UTS2: variants seen among roughly 807,000 people sequenced by gnomAD.
The protein encoded by UTS2 is urotensin 2, also known as urotensin-2.
A neutral mutation model predicts 12.6 loss-of-function variants in UTS2; 10 were observed. The observed-to-expected ratio is 0.80, with a 90% CI of 0.49 to 1.35. The LOEUF is 1.35. Among genes scored for constraint, UTS2 ranks in the 40% most tolerant of loss-of-function variants. The pLI is 0.00. For synonymous variants in UTS2, 52 were observed against 50.0 expected (o/e 1.04, Z -0.17); for missense variants, 142 against 143.2 (o/e 0.99, Z 0.04).
In UTS2 at chr1:7,847,932, CCAA is replaced by C. The variant is rs766852208; in HGVS notation, c.259-53_259-51del. On this transcript the variant is annotated intron_variant, in intron 3 of 3. Coordinates refer to ENST00000361696, the MANE Select transcript of UTS2 (RefSeq NM_006786.4). Reference sequence around the variant, plus strand: ...ACAACAAAAAAAAACAGATAAGTTACCAACGAGTGACGATTCCTATAAGAAAAA... The same window carrying C: ...ACAACAAAAAAAAACAGATAAGTTACCGAGTGACGATTCCTATAAGAAAAA... 59 of 1,309,766 alleles carry C rather than the reference CCAA, an allele frequency of 4.5e-5. No homozygotes were observed. In the African/African-American group the frequency reaches 8.1e-4, roughly 18 times the overall value. The allele number at this position is 1,309,766 out of a possible 1,614,324, so 81.1% of individuals were successfully genotyped here.
the UTS2 span, among the ~76,000 whole-genome samples, chr1:7,911,858 G>A: frequency 4.1e-5 from 6 of 146,922 alleles, no homozygotes; most frequent in African/African-American, 1.3e-4. Context: ...CCAAGATCGC[G>A]CCACTGCACT....
chr1:7,895,441 A>G, the UTS2 span, among the ~76,000 whole-genome samples: 1 of 152,062 alleles, frequency 6.6e-6, no homozygotes, highest in Non-Finnish European at 1.5e-5. Context: ...TTCCCCCTTA[A>G]TCCTATTCCC....
At chr1:7,874,700 T>C in the UTS2 span, among the ~76,000 whole-genome samples, 1 of 152,212 alleles carries the variant, frequency 6.6e-6, no homozygotes, top group African/African-American at 2.4e-5. Flanking sequence ...ACTTGTGATA[T>C]GGTTTGGCTG....
chr1:7,876,131 A>T, the UTS2 span, among the ~76,000 whole-genome samples: 1 of 152,202 alleles, frequency 6.6e-6, no homozygotes, highest in Non-Finnish European at 1.5e-5. Context: ...CCCTGCTGCC[A>T]CCAGCACCCA....
upstream of UTS2, among the ~76,000 whole-genome samples, chr1:7,855,489 CAGG>C (rs1331526137): frequency 1.3e-5 from 2 of 152,038 alleles, no homozygotes; most frequent in African/African-American, 4.8e-5. Flanking sequence ...GAGGCTGAGG[CAGG>C]AGGATAGCTT....
At chr1:7,905,049 C>A in the UTS2 span, among the ~76,000 whole-genome samples, 1 of 151,974 alleles carries the variant, frequency 6.6e-6, no homozygotes, top group African/African-American at 2.4e-5. Flanking sequence ...TCACCTGTCA[C>A]CTTGGCTAGG....
At chr1:7,869,605 C>A in the UTS2 span, among the ~76,000 whole-genome samples, 1 of 152,184 alleles carries the variant, frequency 6.6e-6, no homozygotes, top group Non-Finnish European at 1.5e-5. Context: ...GCAGAAATGT[C>A]CATCACCATC....
chr1:7,891,055 T>C, the UTS2 span, among the ~76,000 whole-genome samples: 26,688 of 150,336 alleles, frequency 0.18, 2,520 homozygotes, highest in South Asian at 0.23. Context: ...CAGTGGAATA[T>C]TATTCAGCCC....
intron 2 of UTS2, 104 bp downstream of exon 2, chr1:7,850,708 A>T: frequency 3.4e-6 from 4 of 1,186,102 alleles, no homozygotes. Flanking sequence ...TATATAGCTC[A>T]TCTTTATATT....
At chr1:7,853,352 T>C, upstream of UTS2, 5 of 1,614,114 alleles carry the variant, frequency 3.1e-6, no homozygotes, top group Non-Finnish European at 3.4e-6. Flanking sequence ...TGAGTTGAAG[T>C]GGCCAAAGCA....
At chr1:7,865,723 A>G in the UTS2 span, among the ~76,000 whole-genome samples, 1 of 152,182 alleles carries the variant, frequency 6.6e-6, no homozygotes, top group Non-Finnish European at 1.5e-5. Flanking sequence ...ACTTGAGGCC[A>G]GGAGTTCCAG....
intron 3 of UTS2, 52 bp downstream of exon 3, chr1:7,849,588 C>T: frequency 6.8e-7 from 1 of 1,475,392 alleles, no homozygotes; most frequent in Non-Finnish European, 9.4e-7. Flanking sequence ...CCTGTAAAAC[C>T]AGTACAGAAT....
the UTS2 span, among the ~76,000 whole-genome samples, chr1:7,883,368 T>G: frequency 6.6e-6 from 1 of 152,120 alleles, no homozygotes; most frequent in Non-Finnish European, 1.5e-5. Context: ...TGATAGTTAC[T>G]AGAGTCTGGG....
chr1:7,850,919 G>A lies in UTS2; in HGVS notation c.107C>T (p.Pro36Leu). 1 of 1,614,068 alleles carries A rather than the reference G, an allele frequency of 6.2e-7. No individual in the cohort carries two copies. The highest frequency in any genetic ancestry group is 1.1e-5 in the South Asian group (1 of 91,082). The change falls in exon 2 of 4, where the codon CCT (proline) becomes CTT (leucine). Residue 36 changes from proline to leucine, a missense_variant. Physicochemically the swap from Pro to Leu is moderately conservative, Grantham distance 98. Coordinates refer to ENST00000361696, the MANE Select transcript of UTS2 (RefSeq NM_006786.4). ...SREISFQLSA[P>L]HEDARLTPEE... The stretch of plus-strand genomic sequence containing the variant: ...CGGAGTTAAGCGCGCGTCTTCATGA[G>A]GTGCTACAGAGTAAAAACAGATACT...
the UTS2 span, among the ~76,000 whole-genome samples, chr1:7,877,256 A>G: frequency 9.2e-4 from 140 of 152,270 alleles, no homozygotes; most frequent in African/African-American, 3.3e-3. Flanking sequence ...ACAGACTCCA[A>G]TGAAAAAGAG....
the UTS2 span, among the ~76,000 whole-genome samples, chr1:7,874,969 G>C: frequency 6.6e-6 from 1 of 151,998 alleles, no homozygotes; most frequent in Non-Finnish European, 1.5e-5. Context: ...AGTTTCCTGA[G>C]GCCTCCCCAG....
chr1:7,909,269 A>T, the UTS2 span, among the ~76,000 whole-genome samples: 1 of 152,120 alleles, frequency 6.6e-6, no homozygotes, highest in South Asian at 2.1e-4. Context: ...AATATTTTTT[A>T]GTACTGGGCT....
At chr1:7,897,193 T>C in the UTS2 span, among the ~76,000 whole-genome samples, 3 of 152,366 alleles carry the variant, frequency 2.0e-5, no homozygotes, top group African/African-American at 7.2e-5. Context: ...TATTCCTGTT[T>C]GAAAATCACT....
Position 7,847,661 on chromosome 1 carries a change from A to G in UTS2, c.*105T>C. 1 of 842,484 alleles carries G rather than the reference A, an allele frequency of 1.2e-6. No homozygotes were observed. The highest frequency in any genetic ancestry group is 1.9e-6 in the Non-Finnish European group (1 of 514,914). 52.2% of individuals were successfully genotyped at this position (842,484 alleles called of 1,614,324 possible). A position where few individuals can be genotyped will look rare whatever the true frequency, so the allele number is the denominator to read the frequency against. ...TTCCAGGTAACAATGAACAGGGTGT[A>G]GTTTGCCTAGTTTTTCTCCACACTG... On this transcript the variant is annotated 3_prime_UTR_variant, in exon 4 of 4. Transcript: ENST00000361696.
Sources: gnomAD v4.1 joint callset for allele counts (sites outside exome capture counted in the v4.1 genomes callset) on GRCh38, gnomAD v4.1.1 for gene constraint, MANE v1.5 for transcripts, NCBI Gene and HGNC (gene_info 2026-07-23, HGNC 2026-07-21) for gene names.